SEMA5A: variants seen among roughly 807,000 people sequenced by gnomAD.
The protein encoded by SEMA5A is semaphorin-5A.
In SEMA5A, 55 loss-of-function variants were observed where a neutral mutation model predicts 135.5. The ratio of observed to expected loss-of-function variants is 0.41; its 90% CI spans 0.33 to 0.51. SEMA5A has a LOEUF of 0.51. Among genes scored for constraint, SEMA5A ranks in the 20% least tolerant of loss-of-function variants. The pLI, the probability that SEMA5A is intolerant of heterozygous loss-of-function variation, is 0.37. For missense variants in SEMA5A, 1,290 were observed against 1,419.9 expected (o/e 0.91, Z 1.47); for synonymous variants, 580 against 546.5 (o/e 1.06, Z -0.85).
chr5:9,283,495 A>T (rs552703393), intron 5 of SEMA5A, among the ~76,000 whole-genome samples: 2 of 152,338 alleles, frequency 1.3e-5, no homozygotes, highest in South Asian at 4.1e-4. Flanking sequence ...TGTTAGGTCA[A>T]ATCCACTCAG....
At chr5:9,403,583 C>T (rs1228197437) in intron 2 of SEMA5A, among the ~76,000 whole-genome samples, 2 of 152,146 alleles carry the variant, frequency 1.3e-5, no homozygotes, top group African/African-American at 4.8e-5. Context: ...ACCCTCCATG[C>T]ATCATCTCAC....
chr5:9,392,593 G>A (rs1357432035), intron 2 of SEMA5A, among the ~76,000 whole-genome samples: 1 of 152,178 alleles, frequency 6.6e-6, no homozygotes, highest in African/African-American at 2.4e-5. Flanking sequence ...GTATGCTTGT[G>A]TGGGAGGAAT....
rs560967075 is a variant in SEMA5A, at chr5:9,465,047, G to A, written c.-174-27195C>T. Among the ~76,000 whole-genome samples, 4 of 150,236 alleles carry A rather than the reference G, an allele frequency of 2.7e-5. No individual in the cohort carries two copies. In the South Asian group the frequency reaches 8.6e-4, roughly 32 times the overall value. ...CACCTGGAACGAGCTGTAAAACTGT[G>A]TAACATGAGGTCATTTCATTCTGGA... On this transcript the variant is annotated intron_variant, in intron 1 of 22. Transcript: ENST00000382496.
intron 13 of SEMA5A, 21 bp downstream of exon 13, chr5:9,136,483 A>G (rs1433883825): frequency 6.3e-7 from 1 of 1,592,302 alleles, no homozygotes; most frequent in Non-Finnish European, 8.6e-7. Flanking sequence ...TTTTCAGAGG[A>G]TGGAGAAGGT....
chr5:9,087,447 T>C (rs1219534052), intron 16 of SEMA5A, among the ~76,000 whole-genome samples: 1 of 152,140 alleles, frequency 6.6e-6, no homozygotes, highest in African/African-American at 2.4e-5. Context: ...CATTCTGCTG[T>C]GTGTTTCTAA....
At chr5:9,297,808 T>C (rs1751416339) in intron 5 of SEMA5A, among the ~76,000 whole-genome samples, 1 of 151,856 alleles carries the variant, frequency 6.6e-6, no homozygotes, top group Admixed American at 6.6e-5. Context: ...GCCACCTGCC[T>C]ACCTTGGCCA....
chr5:9,537,642 G>C (rs1261788018), intron 1 of SEMA5A, among the ~76,000 whole-genome samples: 2 of 152,152 alleles, frequency 1.3e-5, no homozygotes, highest in Non-Finnish European at 2.9e-5. Context: ...TGTAAGCTAG[G>C]CTTCATGTTT....
intron 12 of SEMA5A, among the ~76,000 whole-genome samples, chr5:9,138,284 T>C (rs1257500841): frequency 6.6e-6 from 1 of 152,222 alleles, no homozygotes; most frequent in Non-Finnish European, 1.5e-5. Flanking sequence ...ATACTGTTTA[T>C]ACTAACTCAC....
intron 1 of SEMA5A, among the ~76,000 whole-genome samples, chr5:9,521,697 T>C (rs3756733): frequency 0.28 from 42,982 of 152,050 alleles, 6,351 homozygotes; most frequent in East Asian, 0.41. Flanking sequence ...CCCAGCTCTT[T>C]CTTCCAGGGC....
intron 5 of SEMA5A, among the ~76,000 whole-genome samples, chr5:9,279,998 G>T (rs1013465520): frequency 4.6e-5 from 7 of 152,146 alleles, no homozygotes; most frequent in African/African-American, 1.7e-4. Context: ...TAACTATCCA[G>T]CCCTTTCCAA....
chr5:9,193,390 A>G (rs1209452087), intron 10 of SEMA5A, among the ~76,000 whole-genome samples: 2 of 152,206 alleles, frequency 1.3e-5, no homozygotes, highest in African/African-American at 4.8e-5. Flanking sequence ...TCATGCCAAC[A>G]TCTCTTCAAG....
chr5:9,188,195 C>T (rs1169847659), intron 11 of SEMA5A, among the ~76,000 whole-genome samples: 1 of 152,090 alleles, frequency 6.6e-6, no homozygotes, highest in Non-Finnish European at 1.5e-5. Context: ...TGTGAGGACA[C>T]AACTAGCAGG....
At chr5:9,452,252 T>G (rs2126707259) in intron 1 of SEMA5A, among the ~76,000 whole-genome samples, 1 of 152,326 alleles carries the variant, frequency 6.6e-6, no homozygotes, top group South Asian at 2.1e-4. Flanking sequence ...ACATCTTCAT[T>G]CTAGCTCATA....
At chr5:9,521,637 G>A (rs1736840109) in intron 1 of SEMA5A, among the ~76,000 whole-genome samples, 1 of 152,106 alleles carries the variant, frequency 6.6e-6, no homozygotes, top group South Asian at 2.1e-4. Context: ...CTCACAGCTG[G>A]CCATTCCATT....
In SEMA5A at chr5:9,136,523, T is replaced by A; in HGVS notation, c.1580A>T (p.Gln527Leu). ...ACTCACCGGACACGCAGAGATGCTC[T>A]GTTCCCACTGCGTCATGCTCAGGCT... ...EESLSMTQWEQSISACPTRNL... is the reference protein window; with the variant it reads ...EESLSMTQWELSISACPTRNL... Residue 527 changes from glutamine (Q) to leucine (L), a missense_variant, in exon 13 of 23, where the codon CAG becomes CTG. This residue lies in a region of SEMA5A where 1,029 missense variants were observed against 1,086.6 expected (regional missense o/e 0.95). Coordinates refer to ENST00000382496, the MANE Select transcript of SEMA5A (RefSeq NM_003966.3). 1 of 1,613,938 alleles carries A rather than the reference T, an allele frequency of 6.2e-7. No homozygotes were observed. The highest frequency in any genetic ancestry group is 8.5e-7 in the Non-Finnish European group (1 of 1,179,790).
chr5:9,179,633 A>G (rs561465165), intron 11 of SEMA5A, among the ~76,000 whole-genome samples: 1 of 152,378 alleles, frequency 6.6e-6, no homozygotes, highest in Admixed American at 6.5e-5. Flanking sequence ...CATTTAATCA[A>G]ACAAAACAAT....
intron 11 of SEMA5A, among the ~76,000 whole-genome samples, chr5:9,176,429 T>G (rs1744207910): frequency 6.6e-6 from 1 of 152,212 alleles, no homozygotes; most frequent in Non-Finnish European, 1.5e-5. Flanking sequence ...CAGCCCTAGC[T>G]GGCATCCTGA....
chr5:9,360,074 C>G (rs1239020750), intron 3 of SEMA5A, among the ~76,000 whole-genome samples: 1 of 152,224 alleles, frequency 6.6e-6, no homozygotes, highest in Admixed American at 6.5e-5. Context: ...TATCTCTCAG[C>G]AATAGCCTTT....
intron 15 of SEMA5A, among the ~76,000 whole-genome samples, chr5:9,109,080 G>T (rs372809001): frequency 1.7e-5 from 2 of 114,624 alleles, no homozygotes; most frequent in Non-Finnish European, 3.3e-5. Context: ...TCGCTCTGTC[G>T]CCCAGGCTGG....
Sources: gnomAD v4.1 joint callset for allele counts (sites outside exome capture counted in the v4.1 genomes callset) on GRCh38, gnomAD v4.1.1 for gene constraint, gnomAD v4.1.1 regional missense constraint, MANE v1.5 for transcripts, NCBI Gene and HGNC (gene_info 2026-07-23, HGNC 2026-07-21) for gene names.